CAST: variants seen among roughly 807,000 people sequenced by gnomAD.
The protein encoded by CAST is MIR583 host.
A neutral mutation model predicts 119.6 loss-of-function variants in CAST; 76 were observed. The observed-to-expected ratio is 0.64, with a 90% CI of 0.53 to 0.77. CAST has a LOEUF of 0.77. Among genes scored for constraint, CAST ranks in the 30% least tolerant of loss-of-function variants. The pLI is 0.00. For missense variants in CAST, 953 were observed against 946.5 expected, an observed-to-expected ratio of 1.01 and a Z score of -0.09; for synonymous variants, 319 against 331.6, an observed-to-expected ratio of 0.96 and a Z score of 0.41.
At chr5:95,988,221 C>T in the CAST span, among the ~76,000 whole-genome samples, 4 of 152,162 alleles carry the variant, frequency 2.6e-5, no homozygotes, top group Admixed American at 6.5e-5. Flanking sequence ...AACATGTAAT[C>T]GATTCTACAA....
the CAST span, among the ~76,000 whole-genome samples, chr5:96,176,272 TAAAAG>T: frequency 4.6e-5 from 7 of 152,192 alleles, no homozygotes; most frequent in African/African-American, 1.4e-4. Context: ...GATAAAGTGA[TAAAAG>T]AGAAGGCAGT....
the CAST span, among the ~76,000 whole-genome samples, chr5:96,370,361 A>T: frequency 6.6e-6 from 1 of 152,088 alleles, no homozygotes; most frequent in African/African-American, 2.4e-5. Context: ...AGAGAGACAA[A>T]AAAGAAGCAA....
intron 1 of CAST, among the ~76,000 whole-genome samples, chr5:96,553,537 A>G (rs1451293916): frequency 2.0e-5 from 3 of 152,194 alleles, no homozygotes; most frequent in Non-Finnish European, 4.4e-5. Flanking sequence ...TCAACATAGT[A>G]TTGGAAGTTC....
upstream of CAST, among the ~76,000 whole-genome samples, chr5:96,528,683 C>T (rs1418463565): frequency 6.6e-6 from 1 of 152,172 alleles, no homozygotes; most frequent in Non-Finnish European, 1.5e-5. Flanking sequence ...ATGATAATTT[C>T]TGAGAATTGT....
chr5:96,238,955 A>G, the CAST span, among the ~76,000 whole-genome samples: 1 of 152,132 alleles, frequency 6.6e-6, no homozygotes, highest in African/African-American at 2.4e-5. Flanking sequence ...TTTGGGAGTC[A>G]TTGGGTATAG....
At chr5:96,261,649 G>A in the CAST span, among the ~76,000 whole-genome samples, 1 of 152,154 alleles carries the variant, frequency 6.6e-6, no homozygotes, top group Admixed American at 6.5e-5. Flanking sequence ...AGATGGAATT[G>A]CTTTGGCCTC....
intron 2 of CAST, among the ~76,000 whole-genome samples, chr5:96,682,596 G>C (rs1302078592): frequency 6.6e-6 from 1 of 152,006 alleles, no homozygotes; most frequent in Non-Finnish European, 1.5e-5. Context: ...CTCTGTGGTG[G>C]TTTTGAGAGG....
At chr5:96,310,522 C>T in the CAST span, among the ~76,000 whole-genome samples, 74 of 149,454 alleles carry the variant, frequency 5.0e-4, no homozygotes, top group Middle Eastern at 3.5e-3. Flanking sequence ...ATTCTTTAAA[C>T]GTTTGGTTAA....
the CAST span, among the ~76,000 whole-genome samples, chr5:96,223,219 A>T: frequency 6.6e-6 from 1 of 152,158 alleles, no homozygotes; most frequent in African/African-American, 2.4e-5. Flanking sequence ...GACTAGGGTG[A>T]CCATAGTTAG....
the CAST span, chr5:96,410,797 C>T: frequency 4.3e-6 from 7 of 1,613,972 alleles, no homozygotes; most frequent in South Asian, 1.1e-5. Flanking sequence ...GTGTAATCTC[C>T]GCTGCTGTAA....
chr5:96,290,481 AG>A, the CAST span, among the ~76,000 whole-genome samples: 66,102 of 151,970 alleles, frequency 0.43, 14,945 homozygotes, highest in Admixed American at 0.55. Flanking sequence ...AATAAAACTC[AG>A]ACTCATCCAC....
chr5:96,234,647 C>G, the CAST span, among the ~76,000 whole-genome samples: 1 of 152,264 alleles, frequency 6.6e-6, no homozygotes, highest in East Asian at 1.9e-4. Context: ...TGTTCCATTT[C>G]TATGCAGAAA....
the CAST span, among the ~76,000 whole-genome samples, chr5:96,436,585 A>G: frequency 6.6e-6 from 1 of 152,222 alleles, no homozygotes; most frequent in African/African-American, 2.4e-5. Context: ...TTCTATTTTA[A>G]ATAATATAGC....
At chr5:96,364,508 A>G in the CAST span, among the ~76,000 whole-genome samples, 1 of 152,152 alleles carries the variant, frequency 6.6e-6, no homozygotes, top group African/African-American at 2.4e-5. Context: ...AGAGCCTGTT[A>G]TTGGCCTATT....
chr5:96,621,562 A>G (rs935797658), intron 1 of CAST, among the ~76,000 whole-genome samples: 1 of 152,180 alleles, frequency 6.6e-6, no homozygotes, highest in Non-Finnish European at 1.5e-5. Flanking sequence ...GGCACTTACA[A>G]AACCATCAGA....
chr5:96,229,098 C>T, the CAST span, among the ~76,000 whole-genome samples: 1 of 151,742 alleles, frequency 6.6e-6, no homozygotes, highest in African/African-American at 2.4e-5. Context: ...AGAGAGGACC[C>T]ATCAAATCAT....
At chr5:96,539,302 T>G (rs1745874242) in intron 1 of CAST, among the ~76,000 whole-genome samples, 1 of 152,254 alleles carries the variant, frequency 6.6e-6, no homozygotes. Context: ...TTGTTTGAAG[T>G]GGCAGCTTTT....
chr5:96,141,059 T>A, the CAST span, among the ~76,000 whole-genome samples: 1 of 151,026 alleles, frequency 6.6e-6, no homozygotes, highest in African/African-American at 2.5e-5. Flanking sequence ...ATAGGGATAA[T>A]CATAAATATG....
the CAST span, among the ~76,000 whole-genome samples, chr5:96,418,693 T>C: frequency 0.025 from 3,750 of 152,300 alleles, 152 homozygotes; most frequent in African/African-American, 0.086. Flanking sequence ...ATTCATTTTC[T>C]AAACCTAAGG....
Sources: allele counts gnomAD v4.1 joint callset (sites outside exome capture counted in the v4.1 genomes callset), GRCh38; gene constraint gnomAD v4.1.1; transcripts MANE v1.5; gene names NCBI Gene and HGNC (gene_info 2026-07-23, HGNC 2026-07-21).